The following ABCC3 variants were observed in gnomAD, a reference collection of about 807,000 sequenced individuals.
The protein encoded by ABCC3 is ATP-binding cassette sub-family C member 3.
ABCC3 carries 121 observed loss-of-function variants against 165.3 expected under a neutral mutation model. That is an observed-to-expected ratio of 0.73 (90% CI 0.63 to 0.85). The LOEUF (loss-of-function observed/expected upper bound fraction) is 0.85, where lower values mean the gene tolerates loss of function less well. ABCC3 is among the 40% of genes least tolerant of loss of function. The probability of loss-of-function intolerance (pLI) is 0.00; values close to 1 mark genes in which losing one functional copy is unlikely to be tolerated. For missense variants in ABCC3, 1,869 were observed against 1,964.1 expected (o/e 0.95, Z 0.92); for synonymous variants, 733 against 810.1 (o/e 0.90, Z 1.62).
At chr17:50,645,943 A>C (rs1008398536) in intron 1 of ABCC3, among the ~76,000 whole-genome samples, 3 of 152,236 alleles carry the variant, frequency 2.0e-5, no homozygotes, top group African/African-American at 7.2e-5. Context: ...ACTATGTGCT[A>C]GGCACCATTC....
rs753903498 is a variant in ABCC3 at position 50,673,544 on chromosome 17, G to C, written c.2485G>C (p.Val829Leu). Reference sequence around the variant, plus strand: ...CATCATTGTGCTAGCTGATGGACAGGTGTCTGAGATGGGCCCGTACCCAGC... The same window carrying C: ...CATCATTGTGCTAGCTGATGGACAGCTGTCTGAGATGGGCCCGTACCCAGC... ...DFIIVLADGQ[V>L]SEMGPYPALL... is the part of the protein sequence containing the mutation. The change falls in exon 19 of 31, where the codon GTG becomes CTG. Residue 829 changes from valine (V) to leucine (L), a missense_variant. Coordinates refer to ENST00000285238, the MANE Select transcript of ABCC3 (RefSeq NM_003786.4). 33 of 1,614,106 alleles carry C rather than the reference G, an allele frequency of 2.0e-5. No individual in the cohort carries two copies. Among genetic ancestry groups the C allele is most frequent in the Non-Finnish European group, 2.7e-5 (32 of 1,180,046 alleles).
intron 1 of ABCC3, among the ~76,000 whole-genome samples, chr17:50,638,410 G>C (rs2054198781): frequency 6.6e-6 from 1 of 152,242 alleles, no homozygotes; most frequent in Non-Finnish European, 1.5e-5. Context: ...CGCCTGAGAA[G>C]TAGTGAGCTC....
rs141577167 is a variant in ABCC3 at position 50,673,076 on chromosome 17, T to C, written c.2347T>C (p.Ser783Pro). The stretch of plus-strand genomic sequence containing the variant: ...GGATGACCCACTGTCCGCGGTGGAC[T>C]CTCATGTGGCCAAGCACATCTTTGA... The part of the protein sequence containing the change: ...LLDDPLSAVD[S>P]HVAKHIFDHV... The change falls in exon 18 of 31, where the codon TCT becomes CCT. Residue 783 changes from serine to proline, a missense_variant. Ser to Pro is a moderately conservative substitution (Grantham distance 74). Transcript: ENST00000285238. 1.2e-6 allele frequency: 2 copies of C among 1,614,136 alleles called. No individual in the cohort carries two copies. Among genetic ancestry groups the C allele is most frequent in the Non-Finnish European group, 1.7e-6 (2 of 1,180,014 alleles).
At chr17:50,641,658 T>C (rs1966893781) in intron 1 of ABCC3, among the ~76,000 whole-genome samples, 1 of 152,176 alleles carries the variant, frequency 6.6e-6, no homozygotes. Flanking sequence ...CAGGCCCTGC[T>C]CTAAGCAACA....
intron 1 of ABCC3, among the ~76,000 whole-genome samples, chr17:50,642,471 C>A (rs1253232533): frequency 6.6e-6 from 1 of 152,218 alleles, no homozygotes; most frequent in Non-Finnish European, 1.5e-5. Flanking sequence ...GAGCAGGTGT[C>A]TGCGAAACCA....
rs756222580 is a variant in ABCC3, at chr17:50,677,953, C to T, written c.3578+10C>T. On this transcript the variant is annotated intron_variant, in intron 24 of 30. Coordinates refer to ENST00000285238, the MANE Select transcript of ABCC3 (RefSeq NM_003786.4). ...ACATCATCTCCAACCGGTCAGAAGC[C>T]GCCTCCCTCGCTCCCTGCTCCTCCA... is the stretch of plus-strand genomic sequence containing the variant. 69 of 1,614,108 alleles carry T rather than the reference C, an allele frequency of 4.3e-5. No individual in the cohort carries two copies. Among genetic ancestry groups the T allele is most frequent in the East Asian group, 2.0e-4 (9 of 44,876 alleles).
chr17:50,657,955 AC>A, intron 4 of ABCC3, 126 bp from the exon 5 acceptor site: 1 of 1,289,812 alleles, frequency 7.8e-7, no homozygotes, highest in African/African-American at 1.5e-5. Context: ...CTGAGTGGGG[AC>A]CTGGAGGCCC....
At chr17:50,660,400 G>A (rs1967349597) in intron 7 of ABCC3, among the ~76,000 whole-genome samples, 1 of 152,206 alleles carries the variant, frequency 6.6e-6, no homozygotes, top group Admixed American at 6.5e-5. Flanking sequence ...GGAGTTCAAT[G>A]TTTGCTCAGC....
chr17:50,637,111 T>C (rs1027493920), intron 1 of ABCC3, among the ~76,000 whole-genome samples: 2 of 152,104 alleles, frequency 1.3e-5, no homozygotes, highest in South Asian at 2.1e-4. Flanking sequence ...TCATCTACAT[T>C]ATGAAGCCCT....
intron 19 of ABCC3, among the ~76,000 whole-genome samples, chr17:50,673,885 C>T (rs943402972): frequency 6.7e-6 from 1 of 148,326 alleles, no homozygotes; most frequent in African/African-American, 2.5e-5. Context: ...TCCTCCGCCC[C>T]GGTCTCAGAG....
chr17:50,665,971 C>T (rs1436906008), intron 11 of ABCC3, among the ~76,000 whole-genome samples: 1 of 151,998 alleles, frequency 6.6e-6, no homozygotes, highest in Non-Finnish European at 1.5e-5. Flanking sequence ...CCTAAGAAGA[C>T]TCAGCAGGCT....
chr17:50,689,536 C>T (rs916072363), intron 30 of ABCC3, among the ~76,000 whole-genome samples: 1 of 152,204 alleles, frequency 6.6e-6, no homozygotes, highest in Non-Finnish European at 1.5e-5. Context: ...GGGAATACCC[C>T]AACAGGCCTT....
chr17:50,661,508 G>A lies in ABCC3; in HGVS notation c.998+394G>A, dbSNP rs149152534. Among the ~76,000 whole-genome samples the A allele has an allele frequency of 1.5e-3, 225 of 152,308 alleles. 1 individual carries two copies. In the Middle Eastern group the frequency reaches 0.02, roughly 14 times the overall value. On this transcript the variant is annotated intron_variant, in intron 8 of 30. Coordinates refer to ENST00000285238, the MANE Select transcript of ABCC3 (RefSeq NM_003786.4). Reference sequence around the variant, plus strand: ...GTCTGAGTCCAGGACTCTGAGCTCCGACTGAGGTGCTCTGTCCCCACCATC... The same window carrying A: ...GTCTGAGTCCAGGACTCTGAGCTCCAACTGAGGTGCTCTGTCCCCACCATC...
chr17:50,671,541 G>A (rs1246470548), intron 17 of ABCC3, among the ~76,000 whole-genome samples: 2 of 151,936 alleles, frequency 1.3e-5, no homozygotes, highest in African/African-American at 2.4e-5. Context: ...GAAAAGAAAT[G>A]TATTTTGTAC....
At chr17:50,684,899 C>T (rs559788942) in intron 29 of ABCC3, 24 bp downstream of exon 29, 2 of 1,607,852 alleles carry the variant, frequency 1.2e-6, no homozygotes, top group East Asian at 4.5e-5. Context: ...GTGCAGAGGT[C>T]AGGAACTGCA....
intron 17 of ABCC3, among the ~76,000 whole-genome samples, chr17:50,671,987 G>A (rs1967657700): frequency 6.6e-6 from 1 of 151,780 alleles, no homozygotes; most frequent in Non-Finnish European, 1.5e-5. Flanking sequence ...CTCCCAAATT[G>A]CTGGGATTAC....
intron 14 of ABCC3, 145 bp downstream of exon 14, chr17:50,668,662 G>A (rs935864546): frequency 1.4e-5 from 11 of 787,490 alleles, no homozygotes; most frequent in Middle Eastern, 2.3e-4. Flanking sequence ...TCCCTCTTCC[G>A]GGTTCTCTGC....
At position 50,674,028 on chromosome 17, in the gene ABCC3, CTCTCTCTCTTTCTT is replaced by C. The variant is rs1967743618; in HGVS notation, c.2599+374_2599+387del. Among the ~76,000 whole-genome samples, 6 of 30,328 alleles carry C rather than the reference CTCTCTCTCTTTCTT, an allele frequency of 2.0e-4. 1 individual carries two copies. The South Asian group carries it at 3.1e-3, about 16-fold the overall frequency. The allele number at this position is 30,328 out of a possible 152,430, so 19.9% of individuals were successfully genotyped here. On this transcript the variant is annotated intron_variant, in intron 19 of 30. Coordinates refer to ENST00000285238, the MANE Select transcript of ABCC3 (RefSeq NM_003786.4). ...TCTCTCTCTCTCTCTCTCTCTCTCT[CTCTCTCTCTTTCTT>C]TCTTTCTTTCTTTCTTTCTTTCTTT...
At chr17:50,673,774 T>C in intron 19 of ABCC3, 116 bp downstream of exon 19, 1 of 1,068,986 alleles carries the variant, frequency 9.4e-7, no homozygotes, top group East Asian at 2.5e-5. Flanking sequence ...CTGGGAAACT[T>C]GGGCCATCTG....
Sources: allele counts gnomAD v4.1 joint callset (sites outside exome capture counted in the v4.1 genomes callset), GRCh38; gene constraint gnomAD v4.1.1; transcripts MANE v1.5; gene names NCBI Gene and HGNC (gene_info 2026-07-23, HGNC 2026-07-21).